The following MID1 variants were observed in gnomAD, a reference collection of about 807,000 sequenced individuals.
MID1 encodes the protein midline 1.
MID1 carries 7 observed loss-of-function variants against 40.4 expected under a neutral mutation model. That is an observed-to-expected ratio of 0.17 (90% CI 0.10 to 0.33). The LOEUF (loss-of-function observed/expected upper bound fraction) is 0.33. MID1 is among the 10% of genes least tolerant of loss of function. The pLI is 1.00. For missense variants in MID1, 367 were observed against 558.5 expected, an observed-to-expected ratio of 0.66 and a Z score of 3.46; for synonymous variants, 229 against 221.2, an observed-to-expected ratio of 1.04 and a Z score of -0.31.
intron 1 of MID1, among the ~76,000 whole-genome samples, chrX:10,783,527 C>A (rs1189982319): frequency 9.0e-6 from 1 of 111,655 alleles, no homozygotes; most frequent in Non-Finnish European, 1.9e-5. Flanking sequence ...TTCTATCACG[C>A]AACAGCATCT....
At chrX:10,825,546 A>G (rs2147162271) in intron 1 of MID1, among the ~76,000 whole-genome samples, 1 of 111,861 alleles carries the variant, frequency 8.9e-6, no homozygotes, top group Non-Finnish European at 1.9e-5. Context: ...GTTAGTGCAA[A>G]CTCTCGGGTT....
At chrX:10,701,820 T>G (rs1220331172) in intron 1 of MID1, among the ~76,000 whole-genome samples, 1 of 112,433 alleles carries the variant, frequency 8.9e-6, no homozygotes, top group Non-Finnish European at 1.9e-5. Context: ...TAAAGTTACC[T>G]ATTCTCATAA....
chrX:10,649,520 T>A (rs1936296148), intron 1 of MID1, among the ~76,000 whole-genome samples: 1 of 112,226 alleles, frequency 8.9e-6, no homozygotes, highest in African/African-American at 3.2e-5. Context: ...GTTTTGTGAA[T>A]CATATCATGT....
At chrX:10,705,667 T>C (rs761607499) in intron 1 of MID1, among the ~76,000 whole-genome samples, 1 of 111,838 alleles carries the variant, frequency 8.9e-6, no homozygotes, top group African/African-American at 3.2e-5. Flanking sequence ...AACAGCTCCA[T>C]GAAGTTGGCA....
At chrX:10,478,135 G>A (rs1930114013) in intron 5 of MID1, among the ~76,000 whole-genome samples, 1 of 112,182 alleles carries the variant, frequency 8.9e-6, no homozygotes, top group Non-Finnish European at 1.9e-5. Flanking sequence ...ATACAGATAA[G>A]TTACTGCTAT....
chrX:10,453,558 C>T (rs1376137533), intron 9 of MID1, among the ~76,000 whole-genome samples: 7 of 111,729 alleles, frequency 6.3e-5, no homozygotes, highest in Non-Finnish European at 1.1e-4. Flanking sequence ...TGGTTAAGAG[C>T]GGGGAACAGC....
intron 1 of MID1, among the ~76,000 whole-genome samples, chrX:10,822,711 A>G (rs775488121): frequency 8.9e-6 from 1 of 112,369 alleles, no homozygotes; most frequent in Non-Finnish European, 1.9e-5. Context: ...GCCAACAAAC[A>G]TATGAAAAAA....
chrX:10,749,494 G>T (rs1163955337), intron 1 of MID1, among the ~76,000 whole-genome samples: 2 of 112,175 alleles, frequency 1.8e-5, no homozygotes, highest in East Asian at 5.6e-4. Flanking sequence ...GCCAGGCCAA[G>T]ATGACACAAG....
chrX:10,699,856 C>T (rs1464687782), intron 1 of MID1, among the ~76,000 whole-genome samples: 1 of 107,429 alleles, frequency 9.3e-6, no homozygotes, highest in South Asian at 4.1e-4. Flanking sequence ...GAGCTTCACT[C>T]TTGTTGCCCA....
chrX:10,464,243 T>A (rs1248283508), intron 7 of MID1, among the ~76,000 whole-genome samples: 1 of 112,582 alleles, frequency 8.9e-6, no homozygotes, highest in Non-Finnish European at 1.9e-5. Flanking sequence ...GTGGTTTTGC[T>A]CTTGTTGAGT....
At chrX:10,574,090 T>C (rs762636179) in intron 1 of MID1, among the ~76,000 whole-genome samples, 8 of 111,665 alleles carry the variant, frequency 7.2e-5, no homozygotes, top group Non-Finnish European at 1.5e-4. Context: ...TTTTAGGTTA[T>C]AGAGCAAAGG....
chrX:10,755,361 G>A (rs190335549), intron 1 of MID1, among the ~76,000 whole-genome samples: 1 of 111,283 alleles, frequency 9.0e-6, no homozygotes, highest in Non-Finnish European at 1.9e-5. Flanking sequence ...TGTTGTTCAA[G>A]AGTTGCTGAT....
chrX:10,769,453 C>T lies in MID1; in HGVS notation c.-187+64101G>A, dbSNP rs987556453. On this transcript the variant is annotated intron_variant, in intron 1 of 10. Transcript: ENST00000380785. ...GGGAGAAGCAAGCTCTGTCCTCACT[C>T]TTTCCTCTGTGCCTTGAGACTGTTG... Among the ~76,000 whole-genome samples the T allele has an allele frequency of 3.6e-5, 4 of 111,970 alleles. No homozygotes were observed. The Admixed American group carries it at 3.8e-4, about 11-fold the overall frequency.
intron 1 of MID1, among the ~76,000 whole-genome samples, chrX:10,826,685 T>C (rs2044218672): frequency 1.8e-5 from 2 of 111,811 alleles, no homozygotes; most frequent in South Asian, 7.5e-4. Flanking sequence ...TACATCCTCT[T>C]AGTACAATCA....
intron 2 of MID1, among the ~76,000 whole-genome samples, chrX:10,554,911 C>T (rs1373490315): frequency 8.9e-6 from 1 of 112,020 alleles, no homozygotes; most frequent in Non-Finnish European, 1.9e-5. Flanking sequence ...GAAATAAACA[C>T]TCTACCAGGT....
chrX:10,675,597 A>C (rs1602510910), intron 1 of MID1, among the ~76,000 whole-genome samples: 1 of 111,706 alleles, frequency 9.0e-6, no homozygotes, highest in East Asian at 2.8e-4. Context: ...ATATATTTCT[A>C]AACTCTTCAG....
At chrX:10,727,792 C>A in intron 1 of MID1, among the ~76,000 whole-genome samples, 1 of 111,745 alleles carries the variant, frequency 8.9e-6, no homozygotes, top group Non-Finnish European at 1.9e-5. Context: ...TCTAAAGAAC[C>A]CTTGCAGGGG....
intron 1 of MID1, among the ~76,000 whole-genome samples, chrX:10,606,705 C>A (rs546053948): frequency 1.6e-3 from 179 of 111,448 alleles, no homozygotes; most frequent in Middle Eastern, 4.7e-3. Context: ...ATGAAGTTTG[C>A]TTTTCAATTA....
chrX:10,495,951 T>C (rs908424320), intron 3 of MID1, among the ~76,000 whole-genome samples: 20 of 112,439 alleles, frequency 1.8e-4, no homozygotes, highest in African/African-American at 4.8e-4. Flanking sequence ...TAACATAACA[T>C]GTACATAGCC....
Sources: gnomAD v4.1 joint callset for allele counts (sites outside exome capture counted in the v4.1 genomes callset) on GRCh38, gnomAD v4.1.1 for gene constraint, MANE v1.5 for transcripts, NCBI Gene and HGNC (gene_info 2026-07-23, HGNC 2026-07-21) for gene names.